Variants in PLAAT5 observed in about 807,000 individuals in gnomAD.
PLAAT5 encodes the protein phospholipase A and acyltransferase 5.
A neutral mutation model predicts 27.8 loss-of-function variants in PLAAT5; 27 were observed. That is an observed-to-expected ratio of 0.97 (90% CI 0.72 to 1.34). The LOEUF is 1.34. PLAAT5 is among the 40% of genes most tolerant of loss of function. The pLI, the probability that PLAAT5 is intolerant of heterozygous loss-of-function variation, is 0.00. For missense variants in PLAAT5, 368 were observed against 343.8 expected, an observed-to-expected ratio of 1.07 and a Z score of -0.56; for synonymous variants, 125 against 136.1, an observed-to-expected ratio of 0.92 and a Z score of 0.57.
In PLAAT5 at chr11:63,468,399, T is replaced by C; in HGVS notation, c.412A>G (p.Ile138Val). 3.1e-6 allele frequency: 5 copies of C among 1,614,152 alleles called. No individual in the cohort carries two copies. The highest frequency in any genetic ancestry group is 1.1e-5 in the South Asian group (1 of 91,068). Reference sequence around the variant, plus strand: ...ACCACGCAATCATCTTCTACATAGATGGCCCAGTGCTCATAGCCAATTCGA... The same window carrying C: ...ACCACGCAATCATCTTCTACATAGACGGCCCAGTGCTCATAGCCAATTCGA... ...IFRIGYEHWA[I>V]YVEDDCVVHL... Residue 138 changes from isoleucine (I) to valine (V), a missense_variant, in exon 4 of 6, where the codon ATC (isoleucine) becomes GTC (valine). Coordinates refer to ENST00000540857, the MANE Select transcript of PLAAT5 (RefSeq NM_001146729.2).
rs2015755942 is a variant in PLAAT5, at chr11:63,462,969, G to A, written c.*534C>T. On this transcript the variant is annotated 3_prime_UTR_variant, in exon 6 of 6. Transcript: ENST00000540857. ...TTGGGATATGTGTTTCTAGATTAAG[G>A]TACCATGGGCCCTGAATAACGAATC... The A allele has an allele frequency of 6.6e-6, 1 of 152,228 alleles. No individual in the cohort carries two copies. Among genetic ancestry groups the A allele is most frequent in the Non-Finnish European group, 1.5e-5 (1 of 68,158 alleles). The allele number at this position is 152,228 out of a possible 1,614,324, so 9.4% of individuals were successfully genotyped here.
At position 63,461,524 on chromosome 11, in the gene PLAAT5, A is replaced by C. The variant is rs571472571; in HGVS notation, c.*1979T>G. 9.2e-5 allele frequency: 14 copies of C among 152,288 alleles called. 1 individual carries two copies. The South Asian group carries it at 2.7e-3, about 29-fold the overall frequency. 9.4% of individuals were successfully genotyped at this position (152,288 alleles called of 1,614,324 possible). On this transcript the variant is annotated 3_prime_UTR_variant, in exon 6 of 6. Coordinates refer to ENST00000540857, the MANE Select transcript of PLAAT5 (RefSeq NM_001146729.2). ...CTTTATTATATCAACAAGACTAAGA[A>C]GCCGCACCCGAGTGGTCCCACTCAA... is the stretch of plus-strand genomic sequence containing the variant.
At chr11:63,466,413 G>A in intron 4 of PLAAT5, 41 bp from the exon 5 acceptor site, 1 of 1,599,544 alleles carries the variant, frequency 6.3e-7, no homozygotes, top group East Asian at 2.2e-5. Flanking sequence ...AATACAAGGA[G>A]TAGCAAAGCA....
chr11:63,490,923 G>T lies in PLAAT5; in HGVS notation c.112C>A (p.Pro38Thr). The T allele has an allele frequency of 6.2e-7, 1 of 1,603,322 alleles. No homozygotes were observed. The highest frequency in any genetic ancestry group is 8.5e-7 in the Non-Finnish European group (1 of 1,175,282). Reference sequence around the variant, plus strand: ...ACAGCTGAACGTCTGAGCGCAGGCGGCTGGTCCTTGGGCCCGGTACTGGCG... The same window carrying T: ...ACAGCTGAACGTCTGAGCGCAGGCGTCTGGTCCTTGGGCCCGGTACTGGCG... ...RTASTGPKDQ[P>T]PALRRSAVPH... The change falls in exon 1 of 6, where the codon CCG becomes ACG. Residue 38 changes from proline to threonine, a missense_variant. Transcript: ENST00000540857.
At chr11:63,467,615 A>G (rs1475423206) in intron 4 of PLAAT5, among the ~76,000 whole-genome samples, 2 of 152,152 alleles carry the variant, frequency 1.3e-5, no homozygotes, top group Non-Finnish European at 2.9e-5. Flanking sequence ...AGTGCATTCA[A>G]TGGTATTCAA....
rs113332830 is a variant in PLAAT5, at chr11:63,466,372, C to G, written c.455G>C (p.Ser152Thr). The change falls in exon 5 of 6, where the codon AGT becomes ACT. Residue 152 changes from serine (S) to threonine (T), a missense_variant and splice_region_variant. Ser to Thr is a moderately conservative substitution (Grantham distance 58). Coordinates refer to ENST00000540857, the MANE Select transcript of PLAAT5 (RefSeq NM_001146729.2). ...DDCVVHLAPP[S>T]EEFEVGSITS... is the part of the protein sequence containing the mutation. ...AATGCTGCCCACCTCAAACTCCTCA[C>G]CTGGAGACCAAAGACAAACAAAGGT... The G allele has an allele frequency of 4.3e-6, 7 of 1,613,834 alleles. No homozygotes were observed. The African/African-American group carries it at 8.0e-5, about 18-fold the overall frequency.
intron 3 of PLAAT5, among the ~76,000 whole-genome samples, chr11:63,468,878 A>G (rs1460418511): frequency 2.6e-5 from 4 of 152,096 alleles, no homozygotes; most frequent in Non-Finnish European, 5.9e-5. Context: ...GGTGGGCAGG[A>G]TGATGGTCAG....
At chr11:63,477,828 G>A (rs2016189111) in intron 3 of PLAAT5, among the ~76,000 whole-genome samples, 1 of 152,090 alleles carries the variant, frequency 6.6e-6, no homozygotes, top group Admixed American at 6.6e-5. Context: ...CAGAAGTTGA[G>A]CCACACCTTG....
At chr11:63,471,014 T>A (rs1346133208) in intron 3 of PLAAT5, 1 of 152,208 alleles carries the variant, frequency 6.6e-6, no homozygotes, top group East Asian at 1.9e-4. Flanking sequence ...TGTTCAAACC[T>A]TGTTGAACAT....
At chr11:63,483,206 G>A (rs774708435) in intron 3 of PLAAT5, among the ~76,000 whole-genome samples, 4 of 151,940 alleles carry the variant, frequency 2.6e-5, no homozygotes, top group Non-Finnish European at 5.9e-5. Flanking sequence ...TCATCAAGAC[G>A]GAATGTCAAC....
chr11:63,486,148 TGTG>T (rs2016428699), intron 3 of PLAAT5, among the ~76,000 whole-genome samples: 2 of 152,204 alleles, frequency 1.3e-5, no homozygotes, highest in Non-Finnish European at 2.9e-5. Context: ...TTGGCATAGA[TGTG>T]GTGAAAAGGG....
rs769553042 is a variant in PLAAT5, at chr11:63,466,147, A to G, written c.680T>C (p.Val227Ala). The part of the protein sequence containing the change: ...SLIEGNCEHF[V>A]NGLRYGVPRS... ...GGGTACGCCATATCTGAGGCCATTGACAAAGTGCTCACAGTTCCCTTCAAT... is the reference window on the plus strand; with the variant it reads ...GGGTACGCCATATCTGAGGCCATTGGCAAAGTGCTCACAGTTCCCTTCAAT... Residue 227 changes from valine to alanine, a missense_variant, in exon 5 of 6, where the codon GTC becomes GCC. By Grantham distance (64) the Val-to-Ala change is moderately conservative. Coordinates refer to ENST00000540857, the MANE Select transcript of PLAAT5 (RefSeq NM_001146729.2). The G allele has an allele frequency of 1.2e-6, 2 of 1,614,024 alleles. No individual in the cohort carries two copies. The highest frequency in any genetic ancestry group is 8.5e-7 in the Non-Finnish European group (1 of 1,180,028).
intron 3 of PLAAT5, among the ~76,000 whole-genome samples, chr11:63,475,518 G>A (rs557663879): frequency 6.6e-6 from 1 of 152,036 alleles, no homozygotes; most frequent in East Asian, 1.9e-4. Context: ...TCTAAAGTGT[G>A]CCTCTTGTGG....
rs184475780 is a variant in PLAAT5, at chr11:63,466,014, T to A, written c.717+96A>T. The A allele has an allele frequency of 5.5e-6, 7 of 1,282,276 alleles. No individual in the cohort carries two copies. In the Admixed American group the frequency reaches 6.6e-5, roughly 12 times the overall value. 79.4% of individuals were successfully genotyped at this position (1,282,276 alleles called of 1,614,324 possible). ...GGCCCTACTAGTATAACGAATAATA[T>A]AATGAAAGCCCTGATTACCATTCTG... On this transcript the variant is annotated intron_variant, in intron 5 of 5. Transcript: ENST00000540857.
Position 63,479,981 on chromosome 11 carries a change from G to A in PLAAT5, c.345+8890C>T, listed in dbSNP as rs151210525. Among the ~76,000 whole-genome samples the A allele has an allele frequency of 8.9e-4, 135 of 152,208 alleles. 1 individual carries two copies. The highest frequency in any genetic ancestry group is 3.0e-3 in the African/African-American group (125 of 41,536). The stretch of plus-strand genomic sequence containing the variant: ...CCCCTGATTCCATCTCACTCTACCT[G>A]ACCACAGACCCCAATACCTTAGAGT... On this transcript the variant is annotated intron_variant, in intron 3 of 5. Transcript: ENST00000540857.
At chr11:63,472,634 A>G (rs2016056458) in intron 3 of PLAAT5, among the ~76,000 whole-genome samples, 1 of 152,180 alleles carries the variant, frequency 6.6e-6, no homozygotes, top group African/African-American at 2.4e-5. Context: ...TCCCTTACCA[A>G]TGTTTTGTAG....
In PLAAT5 at chr11:63,466,237, A is replaced by G. The variant is rs1446048418; in HGVS notation, c.590T>C (p.Leu197Ser). The G allele has an allele frequency of 2.5e-6, 4 of 1,614,030 alleles. No individual in the cohort carries two copies. Among genetic ancestry groups the G allele is most frequent in the Non-Finnish European group, 3.4e-6 (4 of 1,180,030 alleles). ...ACGCTGGATGATCTTGTCCACCGGCAAGGGCAGGTACGTCCCATCTAGCTT... is the reference window on the plus strand; with the variant it reads ...ACGCTGGATGATCTTGTCCACCGGCGAGGGCAGGTACGTCCCATCTAGCTT... ...NNKLDGTYLP[L>S]PVDKIIQRTK... The change falls in exon 5 of 6, where the codon TTG (leucine) becomes TCG (serine). Residue 197 changes from leucine to serine, a missense_variant. Physicochemically the swap from Leu to Ser is moderately radical, Grantham distance 145. Transcript: ENST00000540857.
chr11:63,487,217 A>G (rs2016457298), intron 3 of PLAAT5, among the ~76,000 whole-genome samples: 1 of 152,256 alleles, frequency 6.6e-6, no homozygotes, highest in African/African-American at 2.4e-5. Context: ...ACTTGTATAC[A>G]GAACTTCTGA....
chr11:63,481,945 T>C (rs577049657), intron 3 of PLAAT5, among the ~76,000 whole-genome samples: 8 of 152,202 alleles, frequency 5.3e-5, no homozygotes, highest in African/African-American at 1.9e-4. Flanking sequence ...TTAGGAGACA[T>C]ACCTAATGCT....
Sources: allele counts gnomAD v4.1 joint callset (sites outside exome capture counted in the v4.1 genomes callset), GRCh38; gene constraint gnomAD v4.1.1; transcripts MANE v1.5; gene names NCBI Gene and HGNC (gene_info 2026-07-23, HGNC 2026-07-21).